Variants in JMJD1C observed in about 807,000 individuals in gnomAD.
JMJD1C encodes the protein jumonji domain-containing protein 1C.
In JMJD1C, 31 loss-of-function variants were observed where a neutral mutation model predicts 245.3. The ratio of observed to expected loss-of-function variants is 0.13; its 90% CI spans 0.09 to 0.17. JMJD1C has a LOEUF of 0.17. JMJD1C is among the 10% of genes least tolerant of loss of function. The pLI is 1.00. For missense variants in JMJD1C, 2,691 were observed against 3,000.2 expected, an observed-to-expected ratio of 0.90 and a Z score of 2.41; for synonymous variants, 1,057 against 1,017.4, an observed-to-expected ratio of 1.04 and a Z score of -0.74.
At chr10:63,386,877 A>G (rs1589643242) in intron 1 of JMJD1C, among the ~76,000 whole-genome samples, 2 of 152,238 alleles carry the variant, frequency 1.3e-5, no homozygotes, top group Middle Eastern at 3.4e-3. Flanking sequence ...ACCTGCACAG[A>G]CCCACTAACT....
chr10:63,398,267 C>A (rs1948629642), intron 1 of JMJD1C, among the ~76,000 whole-genome samples: 1 of 152,072 alleles, frequency 6.6e-6, no homozygotes, highest in Non-Finnish European at 1.5e-5. Flanking sequence ...GTCACCCAAC[C>A]ATATATGACT....
chr10:63,423,684 G>A (rs1950262424), intron 1 of JMJD1C, among the ~76,000 whole-genome samples: 1 of 152,146 alleles, frequency 6.6e-6, no homozygotes, highest in Non-Finnish European at 1.5e-5. Context: ...GAGTCATATG[G>A]TAATTCCATG....
Position 63,395,924 on chromosome 10 carries a change from G to A in JMJD1C, c.169-15442C>T, listed in dbSNP as rs76890866. Among the ~76,000 whole-genome samples, 538 of 152,120 alleles carry A rather than the reference G, an allele frequency of 3.5e-3. 7 individuals are homozygous for A. The East Asian group carries it at 0.052, about 15-fold the overall frequency. On this transcript the variant is annotated intron_variant, in intron 1 of 25. Transcript: ENST00000399262. ...CTAATGTTCAGAGTTGAGAAAAAAA[G>A]ACAGATGAAGGTTTCACTACAAAGA...
Position 63,215,597 on chromosome 10 carries a change from A to G in JMJD1C, c.778T>C (p.Ser260Pro). 8 of 1,611,550 alleles carry G rather than the reference A, an allele frequency of 5.0e-6. No homozygotes were observed. The highest frequency in any genetic ancestry group is 6.8e-6 in the Non-Finnish European group (8 of 1,177,758). Residue 260 changes from serine (S) to proline (P), a missense_variant, in exon 6 of 26, where the codon TCA becomes CCA. Around this residue, in one of 9 missense-constraint regions of JMJD1C, gnomAD observed 172 missense variants for 240.8 expected, o/e 0.71. Transcript: ENST00000399262. ...LLKGENIGITSRRRSRANQNV... is the reference protein window; with the variant it reads ...LLKGENIGITPRRRSRANQNV... Reference sequence around the variant, plus strand: ...TGATTGGCACGAGACCTGCGTCGTGATGTAATGCCAATATTTTCACCTTTT... The same window carrying G: ...TGATTGGCACGAGACCTGCGTCGTGGTGTAATGCCAATATTTTCACCTTTT...
chr10:63,276,907 G>C (rs10822151), intron 2 of JMJD1C, among the ~76,000 whole-genome samples: 103,613 of 121,632 alleles, frequency 0.85, 44,644 homozygotes, highest in African/African-American at 0.96. Context: ...TTTTTTGAGA[G>C]AGAGTCTCGC....
chr10:63,184,889 TAGCA>T (rs2132904157), intron 20 of JMJD1C, 151 bp from the exon 21 acceptor site: 1 of 675,248 alleles, frequency 1.5e-6, no homozygotes, highest in East Asian at 2.9e-5. Flanking sequence ...CTGACTAAAA[TAGCA>T]ATTCTGCTTC....
chr10:63,207,637 T>A lies in JMJD1C; in HGVS notation c.4032A>T (p.Lys1344Asn). The A allele has an allele frequency of 6.2e-7, 1 of 1,614,160 alleles. No homozygotes were observed. Among genetic ancestry groups the A allele is most frequent in the Non-Finnish European group, 8.5e-7 (1 of 1,180,032 alleles). ...TTCCAGTTTCTCCGGCTTCTGCTAG[T>A]TTGAGGCAATCTGTTTTATGTGCCC... ...SAGAHKTDCLKLAEAGETGRI... is the reference protein window; with the variant it reads ...SAGAHKTDCLNLAEAGETGRI... The change falls in exon 10 of 26, where the codon AAA becomes AAT. Residue 1344 changes from lysine (K) to asparagine (N), a missense_variant. Lys to Asn is a moderately conservative substitution (Grantham distance 94). Around this residue, in one of 9 missense-constraint regions of JMJD1C, gnomAD observed 1,562 missense variants for 1,490.7 expected, o/e 1.05. Coordinates refer to ENST00000399262, the MANE Select transcript of JMJD1C (RefSeq NM_032776.3).
intron 1 of JMJD1C, among the ~76,000 whole-genome samples, chr10:63,420,326 T>C (rs1950049188): frequency 6.6e-6 from 1 of 151,952 alleles, no homozygotes; most frequent in African/African-American, 2.4e-5. Flanking sequence ...AAGTACCACA[T>C]ATGAAAATTT....
chr10:63,232,029 G>C (rs1246460734), intron 3 of JMJD1C, among the ~76,000 whole-genome samples: 1 of 152,046 alleles, frequency 6.6e-6, no homozygotes, highest in Non-Finnish European at 1.5e-5. Flanking sequence ...GTAGAGATGA[G>C]GTTTCACCAT....
At chr10:63,419,136 A>G (rs1949969732) in intron 1 of JMJD1C, among the ~76,000 whole-genome samples, 1 of 151,498 alleles carries the variant, frequency 6.6e-6, no homozygotes, top group African/African-American at 2.4e-5. Flanking sequence ...CTGTAATCCT[A>G]GTACTTTGGG....
chr10:63,285,493 C>G (rs7099776), intron 2 of JMJD1C, among the ~76,000 whole-genome samples: 2,950 of 152,268 alleles, frequency 0.019, 96 homozygotes, highest in African/African-American at 0.065. Flanking sequence ...GAGTCTGACT[C>G]TTGTCTCCTT....
intron 1 of JMJD1C, among the ~76,000 whole-genome samples, chr10:63,417,101 A>G (rs767135422): frequency 1.3e-5 from 2 of 152,170 alleles, no homozygotes; most frequent in Non-Finnish European, 2.9e-5. Flanking sequence ...TCTGTGATCA[A>G]AGTCACTGAC....
chr10:63,357,423 A>G (rs1411414140), intron 2 of JMJD1C, among the ~76,000 whole-genome samples: 2 of 152,168 alleles, frequency 1.3e-5, no homozygotes, highest in Admixed American at 1.3e-4. Context: ...CTCCTGACTC[A>G]GCTTCCTCAG....
At chr10:63,507,230 T>C (rs893033470) in intron 1 of JMJD1C, among the ~76,000 whole-genome samples, 3 of 152,250 alleles carry the variant, frequency 2.0e-5, no homozygotes, top group African/African-American at 7.2e-5. Flanking sequence ...AACATTTGCG[T>C]GCAGGTTTTT....
intron 2 of JMJD1C, among the ~76,000 whole-genome samples, chr10:63,356,510 C>T (rs967281696): frequency 5.3e-5 from 8 of 152,206 alleles, no homozygotes; most frequent in African/African-American, 1.4e-4. Context: ...AAGGTTAGCA[C>T]AAGCACCTTC....
intron 1 of JMJD1C, among the ~76,000 whole-genome samples, chr10:63,439,989 C>T (rs892973534): frequency 2.0e-5 from 3 of 152,120 alleles, no homozygotes; most frequent in Non-Finnish European, 2.9e-5. Context: ...ATGAAAGCAA[C>T]CTTAATCTAC....
intron 1 of JMJD1C, among the ~76,000 whole-genome samples, chr10:63,496,019 T>C (rs1378771890): frequency 2.7e-5 from 4 of 149,594 alleles, no homozygotes; most frequent in African/African-American, 9.8e-5. Flanking sequence ...CAATATCACT[T>C]GTGAGGCAAT....
intron 3 of JMJD1C, among the ~76,000 whole-genome samples, chr10:63,257,674 T>G (rs1199218184): frequency 6.6e-6 from 1 of 152,218 alleles, no homozygotes; most frequent in Non-Finnish European, 1.5e-5. Flanking sequence ...CAGCAACAAG[T>G]AGAGTACATG....
At chr10:63,277,000 G>A (rs1305303244) in intron 2 of JMJD1C, among the ~76,000 whole-genome samples, 2 of 142,466 alleles carry the variant, frequency 1.4e-5, no homozygotes, top group African/African-American at 5.3e-5. Flanking sequence ...TCCTGCCTCA[G>A]CCTCCCGAGT....
Sources: allele counts gnomAD v4.1 joint callset (sites outside exome capture counted in the v4.1 genomes callset), GRCh38; gene constraint gnomAD v4.1.1; regional missense constraint gnomAD v4.1.1; transcripts MANE v1.5; gene names NCBI Gene and HGNC (gene_info 2026-07-23, HGNC 2026-07-21).